OR7G2: variants seen among roughly 807,000 people sequenced by gnomAD.
OR7G2 encodes olfactory receptor 7G2.
For synonymous variants in OR7G2, 153 were observed against 152.2 expected, an observed-to-expected ratio of 1.01 and a Z score of -0.04; for missense variants, 362 against 384.0, an observed-to-expected ratio of 0.94 and a Z score of 0.48.
intron 1 of OR7G2, among the ~76,000 whole-genome samples, chr19:9,103,654 C>A (rs1412430020): frequency 6.7e-6 from 1 of 150,210 alleles, no homozygotes; most frequent in East Asian, 2.0e-4. Flanking sequence ...TACAGGTGCA[C>A]ACCACCATTC....
chr19:9,102,814 G>T lies in OR7G2; in HGVS notation c.430C>A (p.Leu144Met). 1 of 1,613,888 alleles carries T rather than the reference G, an allele frequency of 6.2e-7. No individual in the cohort carries two copies. The highest frequency in any genetic ancestry group is 8.5e-7 in the Non-Finnish European group (1 of 1,179,824). ...VIMNPRLCGL[L>M]ILLSLLTSVV... The stretch of plus-strand genomic sequence containing the variant: ...CTAGTCAACAGAGAGAGAAGAATCA[G>T]CAGGCCACAGAGGCGGGGGTTCATG... Residue 144 changes from leucine to methionine, a missense_variant, in exon 2 of 2, where the codon CTG becomes ATG. By Grantham distance (15) the Leu-to-Met change is conservative. Coordinates refer to ENST00000641081, the MANE Select transcript of OR7G2 (RefSeq NM_001005193.2).
chr19:9,102,540 T>C lies in OR7G2; in HGVS notation c.704A>G (p.His235Arg), dbSNP rs1449734010. Residue 235 changes from histidine to arginine, a missense_variant, in exon 2 of 2, where the codon CAC becomes CGC. His to Arg is a conservative substitution (Grantham distance 29). Transcript: ENST00000641081. ...VLRMPSASGK[H>R]KAVSTCGSHL... is the part of the protein sequence containing the mutation. ...AGACCCACAGGTGGAAACTGCTTTG[T>C]GCTTTCCACTTGCTGATGGCATTCT... 1 of 1,614,226 alleles carries C rather than the reference T, an allele frequency of 6.2e-7. No individual in the cohort carries two copies. Among genetic ancestry groups the C allele is most frequent in the South Asian group, 1.1e-5 (1 of 91,086 alleles).
rs992985994 is a variant in OR7G2 at position 9,102,990 on chromosome 19, A to G, written c.254T>C (p.Ile85Thr). 3.7e-6 allele frequency: 6 copies of G among 1,614,048 alleles called. No homozygotes were observed. In the African/African-American group the frequency reaches 5.3e-5, roughly 14 times the overall value. ...CGTGATGCTCCGATTCTGAGCTTGG[A>G]TGTTCACCAGCATCTTTGGGATCGT... is the stretch of plus-strand genomic sequence containing the variant. ...TTTIPKMLVN[I>T]QAQNRSITYS... The change falls in exon 2 of 2, where the codon ATC becomes ACC. Residue 85 changes from isoleucine to threonine, a missense_variant. Physicochemically the swap from Ile to Thr is moderately conservative, Grantham distance 89. Transcript: ENST00000641081.
rs767027133 is a variant in OR7G2, at chr19:9,103,235, C to T, written c.9G>A (p.Ala3=). The T allele has an allele frequency of 4.0e-5, 65 of 1,613,980 alleles. No homozygotes were observed. The Middle Eastern group carries it at 2.5e-3, about 61-fold the overall frequency. Residue 3 remains alanine, a synonymous_variant, in exon 2 of 2, where the codon GCG becomes GCA. Coordinates refer to ENST00000641081, the MANE Select transcript of OR7G2 (RefSeq NM_001005193.2). ME[A]RNQTAISKFL... ...ATTTTGAAATAGCTGTTTGGTTTCT[C>T]GCTTCCATGCTGTTGATGATGAATC... is the stretch of plus-strand genomic sequence containing the variant.
At position 9,102,362 on chromosome 19, in the gene OR7G2, A is replaced by C. The variant is rs745977354; in HGVS notation, c.882T>G (p.Asn294Lys). 1.3e-5 allele frequency: 21 copies of C among 1,613,882 alleles called. No individual in the cohort carries two copies. Among genetic ancestry groups the C allele is most frequent in the Middle Eastern group, 3.3e-4 (2 of 6,062 alleles). Residue 294 changes from asparagine (N) to lysine (K), a missense_variant, in exon 2 of 2, where the codon AAT becomes AAG. Physicochemically the swap from Asn to Lys is moderately conservative, Grantham distance 94. Transcript: ENST00000641081. ...MVNPFIYSLR[N>K]KDMKGTLRKF... ...TCCTCAAGGTTCCTTTCATGTCCTT[A>C]TTCCTCAGACTATAGATAAAGGGGT...
At position 9,102,629 on chromosome 19, in the gene OR7G2, T is replaced by C. The variant is rs192446014; in HGVS notation, c.615A>G (p.Ile205Met). Residue 205 changes from isoleucine to methionine, a missense_variant, in exon 2 of 2, where the codon ATA becomes ATG. Physicochemically the swap from Ile to Met is conservative, Grantham distance 10. Transcript: ENST00000641081. ...NNILIYFAACIFGGVPLSGII... is the reference protein window; with the variant it reads ...NNILIYFAACMFGGVPLSGII... ...TTCCAGACAGAGGAACACCACCAAA[T>C]ATGCAAGCTGCAAAATATATCAGGA... 4.3e-6 allele frequency: 7 copies of C among 1,614,048 alleles called. No homozygotes were observed. The Admixed American group carries it at 8.3e-5, about 19-fold the overall frequency.
intron 1 of OR7G2, among the ~76,000 whole-genome samples, chr19:9,104,996 A>G (rs141313060): frequency 0.012 from 1,726 of 147,986 alleles, 36 homozygotes; most frequent in African/African-American, 0.04. Flanking sequence ...TTCGAGATGG[A>G]GTCTTGCTCT....
chr19:9,105,991 A>T (rs2050383612), intron 1 of OR7G2, among the ~76,000 whole-genome samples: 1 of 152,196 alleles, frequency 6.6e-6, no homozygotes, highest in Admixed American at 6.6e-5. Flanking sequence ...AACAGTGTAC[A>T]GTGTGAGAAA....
rs779148221 is a variant in OR7G2 at position 9,102,842 on chromosome 19, G to A, written c.402C>T (p.Val134=). ...GGCCACAGAGGCGGGGGTTCATGAT[G>A]ACTGTGTATCTAAGGGGGTGACAAA... is the stretch of plus-strand genomic sequence containing the variant. ...VAICHPLRYT[V]IMNPRLCGLL... is the part of the protein sequence containing the mutation. The change falls in exon 2 of 2, where the codon GTC becomes GTT. Residue 134 remains valine, a synonymous_variant. Transcript: ENST00000641081. 1.6e-5 allele frequency: 26 copies of A among 1,613,594 alleles called. No individual in the cohort carries two copies. The highest frequency in any genetic ancestry group is 3.3e-5 in the Admixed American group (2 of 59,956).
In OR7G2 at chr19:9,103,501, C is replaced by CT. The variant is rs201971532; in HGVS notation, c.-16-243dup. On this transcript the variant is annotated intron_variant, in intron 1 of 1. Transcript: ENST00000641081. Reference sequence around the variant, plus strand: ...TTTCTTAATCAAAAAATGTGGAAATCTTTTTTTTTTTTTTTTTTTTTTTGA... The same window carrying CT: ...TTTCTTAATCAAAAAATGTGGAAATCTTTTTTTTTTTTTTTTTTTTTTTTGA... Among the ~76,000 whole-genome samples, 1,026 of 118,950 alleles carry CT rather than the reference C, an allele frequency of 8.6e-3. 5 individuals are homozygous for CT. The highest frequency in any genetic ancestry group is 9.9e-3 in the Non-Finnish European group (587 of 59,324). 78.0% of individuals were successfully genotyped at this position (118,950 alleles called of 152,430 possible). A position where few individuals can be genotyped will look rare whatever the true frequency, so the allele number is the denominator to read the frequency against.
chr19:9,103,204 G>A lies in OR7G2; in HGVS notation c.40C>T (p.Leu14Phe), dbSNP rs1400933843. The change falls in exon 2 of 2, where the codon CTC becomes TTC. Residue 14 changes from leucine (L) to phenylalanine (F), a missense_variant. Leu to Phe is a conservative substitution (Grantham distance 22, BLOSUM62 0). Transcript: ENST00000641081. The part of the protein sequence containing the change: ...RNQTAISKFL[L>F]LGLIEDPELQ... ...TCCGGATCCTCTATCAGTCCCAGGA[G>A]AAGGAATTTTGAAATAGCTGTTTGG... 6.2e-7 allele frequency: 1 copy of A among 1,614,000 alleles called. No homozygotes were observed. The highest frequency in any genetic ancestry group is 1.7e-5 in the Admixed American group (1 of 59,978).
chr19:9,102,096 A>C lies in OR7G2; in HGVS notation c.*173T>G, dbSNP rs1217764884. 1.7e-6 allele frequency: 1 copy of C among 588,944 alleles called. No individual in the cohort carries two copies. The allele number at this position is 588,944 out of a possible 1,614,324, so 36.5% of individuals were successfully genotyped here. ...CAGGCGCCTGTAATCCCCACTACTC[A>C]GGAGGCTGAGGCAGGAGGATGGCTT... is the stretch of plus-strand genomic sequence containing the variant. On this transcript the variant is annotated 3_prime_UTR_variant, in exon 2 of 2. Coordinates refer to ENST00000641081, the MANE Select transcript of OR7G2 (RefSeq NM_001005193.2).
At position 9,102,807 on chromosome 19, in the gene OR7G2, A is replaced by C. The variant is rs755163078; in HGVS notation, c.437T>G (p.Leu146Arg). The C allele has an allele frequency of 8.7e-6, 14 of 1,613,806 alleles. No homozygotes were observed. In the South Asian group the frequency reaches 8.8e-5, roughly 10 times the overall value. Reference protein sequence around the residue: ...MNPRLCGLLILLSLLTSVVNA... With the variant: ...MNPRLCGLLIRLSLLTSVVNA... ...CACAACACTAGTCAACAGAGAGAGA[A>C]GAATCAGCAGGCCACAGAGGCGGGG... The change falls in exon 2 of 2, where the codon CTT becomes CGT. Residue 146 changes from leucine (L) to arginine (R), a missense_variant. Coordinates refer to ENST00000641081, the MANE Select transcript of OR7G2 (RefSeq NM_001005193.2).
In OR7G2 at chr19:9,102,386, G is replaced by C; in HGVS notation, c.858C>G (p.Asn286Lys). Reference sequence around the variant, plus strand: ...TATTCCTCAGACTATAGATAAAGGGGTTCACCATTTGAGGGAACACAGAAT... The same window carrying C: ...TATTCCTCAGACTATAGATAAAGGGCTTCACCATTTGAGGGAACACAGAAT... ...VMYSVFPQMV[N>K]PFIYSLRNKD... The change falls in exon 2 of 2, where the codon AAC (asparagine) becomes AAG (lysine). Residue 286 changes from asparagine to lysine, a missense_variant. Transcript: ENST00000641081. The C allele has an allele frequency of 1.2e-6, 2 of 1,613,804 alleles. No homozygotes were observed. Among genetic ancestry groups the C allele is most frequent in the Non-Finnish European group, 8.5e-7 (1 of 1,179,724 alleles).
chr19:9,102,469 A>G lies in OR7G2; in HGVS notation c.775T>C (p.Tyr259His). ...GAGTCAGTAACCACAGAACTAATGT[A>G]CACCCCCAAACCTGCCCCATAGAAC... ...LLFYGAGLGV[Y>H]ISSVVTDSPR... is the part of the protein sequence containing the mutation. Residue 259 changes from tyrosine (Y) to histidine (H), a missense_variant, in exon 2 of 2, where the codon TAC becomes CAC. By Grantham distance (83) the Tyr-to-His change is moderately conservative. Transcript: ENST00000641081. 2 of 1,614,010 alleles carry G rather than the reference A, an allele frequency of 1.2e-6. No individual in the cohort carries two copies. The highest frequency in any genetic ancestry group is 1.7e-6 in the Non-Finnish European group (2 of 1,179,894).
rs757717784 is a variant in OR7G2 at position 9,102,917 on chromosome 19, G to A, written c.327C>T (p.Gly109=). ...TQICFVLFFA[G]LENCLLAAMA... ...TTGCTGCAAGGAGACAATTTTCCAAGCCAGCAAAAAACAAGACAAAGCAGA... is the reference window on the plus strand; with the variant it reads ...TTGCTGCAAGGAGACAATTTTCCAAACCAGCAAAAAACAAGACAAAGCAGA... Residue 109 remains glycine (G), a synonymous_variant, in exon 2 of 2, where the codon GGC becomes GGT. Coordinates refer to ENST00000641081, the MANE Select transcript of OR7G2 (RefSeq NM_001005193.2). 2.5e-6 allele frequency: 4 copies of A among 1,614,180 alleles called. No individual in the cohort carries two copies. In the South Asian group the frequency reaches 4.4e-5, roughly 18 times the overall value.
chr19:9,103,112 G>T lies in OR7G2; in HGVS notation c.132C>A (p.Leu44=). Residue 44 remains leucine, a synonymous_variant, in exon 2 of 2, where the codon CTC becomes CTA. Coordinates refer to ENST00000641081, the MANE Select transcript of OR7G2 (RefSeq NM_001005193.2). ...MYLVTILGNL[L]ILLAVISDSH... Reference sequence around the variant, plus strand: ...AGTCAGAGATGACAGCCAAGAGGATGAGCAGGTTCCCCAGGATGGTGACCA... The same window carrying T: ...AGTCAGAGATGACAGCCAAGAGGATTAGCAGGTTCCCCAGGATGGTGACCA... 6.2e-7 allele frequency: 1 copy of T among 1,614,114 alleles called. No individual in the cohort carries two copies. The highest frequency in any genetic ancestry group is 8.5e-7 in the Non-Finnish European group (1 of 1,180,008).
In OR7G2 at chr19:9,102,750, C is replaced by T. The variant is rs759657592; in HGVS notation, c.494G>A (p.Arg165Lys). 1.2e-6 allele frequency: 2 copies of T among 1,614,066 alleles called. No homozygotes were observed. The highest frequency in any genetic ancestry group is 1.7e-6 in the Non-Finnish European group (2 of 1,180,012). ...NALLLSLMVL[R>K]LSFCTDLEIP... is the part of the protein sequence containing the mutation. Reference sequence around the variant, plus strand: ...TTCCAGGTCTGTGCAGAAGGACAGCCTCAACACCATCAGGCTGAGAAGAAG... The same window carrying T: ...TTCCAGGTCTGTGCAGAAGGACAGCTTCAACACCATCAGGCTGAGAAGAAG... The change falls in exon 2 of 2, where the codon AGG (arginine) becomes AAG (lysine). Residue 165 changes from arginine to lysine, a missense_variant. Arg to Lys is a conservative substitution (Grantham distance 26, BLOSUM62 2). Transcript: ENST00000641081.
intron 1 of OR7G2, 31 bp from the exon 2 acceptor site, chr19:9,103,290 A>T (rs1428247019): frequency 6.2e-7 from 1 of 1,612,630 alleles, no homozygotes; most frequent in Non-Finnish European, 8.5e-7. Flanking sequence ...ATCTGTAAGC[A>T]GCAGCTGCAT....
Sources: gnomAD v4.1 joint callset for allele counts (sites outside exome capture counted in the v4.1 genomes callset) on GRCh38, gnomAD v4.1.1 for gene constraint, MANE v1.5 for transcripts, NCBI Gene and HGNC (gene_info 2026-07-23, HGNC 2026-07-21) for gene names.